Variants in SLC22A15 observed in about 807,000 individuals in gnomAD.
SLC22A15 encodes solute carrier family 22 member 15, also known as flipt 1.
A neutral mutation model predicts 62.7 loss-of-function variants in SLC22A15; 45 were observed. The observed-to-expected ratio is 0.72, with a 90% CI of 0.56 to 0.92. The LOEUF (loss-of-function observed/expected upper bound fraction) is 0.92. Among genes scored for constraint, SLC22A15 ranks in the 40% least tolerant of loss-of-function variants. The pLI is 0.00. For missense variants in SLC22A15, 622 were observed against 665.6 expected (o/e 0.93, Z 0.72); for synonymous variants, 264 against 267.0 (o/e 0.99, Z 0.11).
intron 2 of SLC22A15, among the ~76,000 whole-genome samples, chr1:116,005,484 C>A (rs1334921071): frequency 6.6e-6 from 1 of 151,986 alleles, no homozygotes; most frequent in African/African-American, 2.4e-5. Flanking sequence ...AATCCCAGAC[C>A]AAATTCTGCC....
rs1453153682 is a variant in SLC22A15 at position 116,068,705 on chromosome 1, T to C, written c.*1597T>C. On this transcript the variant is annotated 3_prime_UTR_variant, in exon 12 of 12. Transcript: ENST00000369503. ...AGGGAGATTGTGGAACTCCTCCCAGTATAATTTTTACAAACTCCAAGCAAA... is the reference window on the plus strand; with the variant it reads ...AGGGAGATTGTGGAACTCCTCCCAGCATAATTTTTACAAACTCCAAGCAAA... 1 of 152,174 alleles carries C rather than the reference T, an allele frequency of 6.6e-6. No homozygotes were observed. The highest frequency in any genetic ancestry group is 1.9e-4 in the East Asian group (1 of 5,186). 9.4% of individuals were successfully genotyped at this position (152,174 alleles called of 1,614,324 possible).
At position 116,039,545 on chromosome 1, in the gene SLC22A15, A is replaced by T. The variant is rs562852002; in HGVS notation, c.1171+2157A>T. Among the ~76,000 whole-genome samples, 5 of 152,054 alleles carry T rather than the reference A, an allele frequency of 3.3e-5. No homozygotes were observed. In the South Asian group the frequency reaches 1.0e-3, roughly 32 times the overall value. ...CAAAATTCTGTCTCAATTTAAAAAAAAAGATTTCCAGGGAAATTATTTCTA... is the reference window on the plus strand; with the variant it reads ...CAAAATTCTGTCTCAATTTAAAAAATAAGATTTCCAGGGAAATTATTTCTA... On this transcript the variant is annotated intron_variant, in intron 8 of 11. Coordinates refer to ENST00000369503, the MANE Select transcript of SLC22A15 (RefSeq NM_018420.3).
chr1:116,041,660 G>A (rs538690299), intron 8 of SLC22A15, among the ~76,000 whole-genome samples: 1 of 152,294 alleles, frequency 6.6e-6, no homozygotes, highest in African/African-American at 2.4e-5. Context: ...AGAAATTGAA[G>A]CTTGGGGAAG....
At chr1:116,052,120 T>A (rs1658072486) in intron 8 of SLC22A15, among the ~76,000 whole-genome samples, 1 of 152,148 alleles carries the variant, frequency 6.6e-6, no homozygotes, top group Admixed American at 6.5e-5. Context: ...ACTCGGGAAG[T>A]GCAAGGGGTC....
intron 7 of SLC22A15, among the ~76,000 whole-genome samples, chr1:116,036,366 G>A (rs1460929167): frequency 2.0e-5 from 3 of 152,134 alleles, no homozygotes; most frequent in African/African-American, 7.2e-5. Flanking sequence ...AGCATGGTGT[G>A]TGTTACTTGA....
rs368576038 is a variant in SLC22A15, at chr1:116,044,625, C to T, written c.1171+7237C>T. Among the ~76,000 whole-genome samples the T allele has an allele frequency of 1.4e-4, 21 of 152,234 alleles. 1 individual carries two copies. The South Asian group carries it at 4.4e-3, about 32-fold the overall frequency. On this transcript the variant is annotated intron_variant, in intron 8 of 11. Transcript: ENST00000369503. ...TTTATTCACCAGACTACATTATGAT[C>T]ACCTTCATAGAAAGTCCTAAGGAAT...
At chr1:116,060,194 T>G (rs1183871708) in intron 8 of SLC22A15, among the ~76,000 whole-genome samples, 3 of 152,152 alleles carry the variant, frequency 2.0e-5, no homozygotes, top group Non-Finnish European at 2.9e-5. Context: ...GAAAAAGAAA[T>G]AATTTTCTCA....
At chr1:115,982,484 G>A (rs763494073) in intron 1 of SLC22A15, among the ~76,000 whole-genome samples, 8 of 152,102 alleles carry the variant, frequency 5.3e-5, no homozygotes, top group Non-Finnish European at 1.2e-4. Context: ...TGCTATGCAT[G>A]TAAAGGAACA....
intron 1 of SLC22A15, among the ~76,000 whole-genome samples, chr1:115,980,250 T>G (rs181982319): frequency 6.6e-6 from 1 of 152,134 alleles, no homozygotes; most frequent in Non-Finnish European, 1.5e-5. Context: ...ACAAGTGTGA[T>G]GAAATGATAA....
At chr1:116,004,449 A>G (rs1655879303) in intron 2 of SLC22A15, among the ~76,000 whole-genome samples, 1 of 152,174 alleles carries the variant, frequency 6.6e-6, no homozygotes, top group Non-Finnish European at 1.5e-5. Context: ...TTTCTACATC[A>G]ATTGCAATGA....
intron 5 of SLC22A15, among the ~76,000 whole-genome samples, chr1:116,029,760 G>A (rs1049361014): frequency 6.6e-6 from 1 of 152,026 alleles, no homozygotes; most frequent in African/African-American, 2.4e-5. Context: ...AAACAATTTT[G>A]AAAACACAGA....
intron 8 of SLC22A15, among the ~76,000 whole-genome samples, chr1:116,038,919 C>T (rs1306395926): frequency 1.3e-5 from 2 of 152,176 alleles, no homozygotes; most frequent in Non-Finnish European, 2.9e-5. Context: ...TTCCTTCCCT[C>T]CCACTTATTT....
At chr1:115,992,345 T>G in intron 2 of SLC22A15, 102 bp downstream of exon 2, 1 of 1,009,398 alleles carries the variant, frequency 9.9e-7, no homozygotes, top group Non-Finnish European at 1.5e-6. Context: ...CATTTTCAAA[T>G]AACTTTCTAG....
Position 116,037,348 on chromosome 1 carries a change from A to T in SLC22A15, c.1131A>T (p.Gly377=), listed in dbSNP as rs1219735294. The T allele has an allele frequency of 1.2e-6, 2 of 1,613,322 alleles. No homozygotes were observed. Among genetic ancestry groups the T allele is most frequent in the Non-Finnish European group, 1.7e-6 (2 of 1,179,514 alleles). Residue 377 remains glycine, a synonymous_variant, in exon 8 of 12, where the codon GGA becomes GGT. Transcript: ENST00000369503. ...TATCAGCATTTCTGTGCCTAGGAGG[A>T]CTGGCTTGTCTTATTGTAATGTTTC... ...RTLSAFLCLG[G]LACLIVMFLP...
At chr1:116,007,305 T>A (rs1257853670) in intron 2 of SLC22A15, among the ~76,000 whole-genome samples, 1 of 152,140 alleles carries the variant, frequency 6.6e-6, no homozygotes, top group Non-Finnish European at 1.5e-5. Context: ...ACCTCCACCC[T>A]CCCTCAGGGC....
chr1:116,054,912 G>C (rs1658160758), intron 8 of SLC22A15, among the ~76,000 whole-genome samples: 1 of 152,010 alleles, frequency 6.6e-6, no homozygotes, highest in South Asian at 2.1e-4. Flanking sequence ...ATAGTGTGTA[G>C]AGGGAAATTT....
At chr1:116,014,874 A>C (rs137990135) in intron 2 of SLC22A15, among the ~76,000 whole-genome samples, 1 of 152,294 alleles carries the variant, frequency 6.6e-6, no homozygotes, top group East Asian at 1.9e-4. Flanking sequence ...TATTGACCAA[A>C]GGGGGAAGAA....
At chr1:115,996,348 G>A (rs879758126) in intron 2 of SLC22A15, among the ~76,000 whole-genome samples, 7 of 152,134 alleles carry the variant, frequency 4.6e-5, no homozygotes, top group South Asian at 4.1e-4. Flanking sequence ...TATATCTACC[G>A]AAAAATATTT....
Position 116,067,830 on chromosome 1 carries a change from A to T in SLC22A15, c.*722A>T, listed in dbSNP as rs1658533387. The T allele has an allele frequency of 6.6e-6, 1 of 152,184 alleles. No individual in the cohort carries two copies. The highest frequency in any genetic ancestry group is 1.5e-5 in the Non-Finnish European group (1 of 68,050). 9.4% of individuals were successfully genotyped at this position (152,184 alleles called of 1,614,324 possible). A position where few individuals can be genotyped will look rare whatever the true frequency, so the allele number is the denominator to read the frequency against. ...TGGCTGCCTGTCAGCTCCCTTGGAT[A>T]CTATATTGTATGATTTCTTCCTTTC... On this transcript the variant is annotated 3_prime_UTR_variant, in exon 12 of 12. Transcript: ENST00000369503.
Sources: allele counts gnomAD v4.1 joint callset (sites outside exome capture counted in the v4.1 genomes callset), GRCh38; gene constraint gnomAD v4.1.1; transcripts MANE v1.5; gene names NCBI Gene and HGNC (gene_info 2026-07-23, HGNC 2026-07-21).